The following DMD variants were observed in gnomAD, a reference collection of about 807,000 sequenced individuals.
The protein encoded by DMD is mutant dystrophin.
A neutral mutation model predicts 330.1 loss-of-function variants in DMD; 63 were observed. The ratio of observed to expected loss-of-function variants is 0.19; its 90% confidence interval spans 0.16 to 0.24. The LOEUF (loss-of-function observed/expected upper bound fraction) is 0.24, where lower values mean the gene tolerates loss of function less well. DMD is among the 10% of genes least tolerant of loss of function. DMD has a pLI of 1.00. For synonymous variants in DMD, 1,223 were observed against 959.8 expected (o/e 1.27, Z -5.07); for missense variants, 3,344 against 2,684.1 (o/e 1.25, Z -5.43).
At chrX:31,336,136 G>A (rs1447793476) in intron 61 of DMD, among the ~76,000 whole-genome samples, 1 of 112,717 alleles carries the variant, frequency 8.9e-6, no homozygotes, top group Admixed American at 9.4e-5. Context: ...CCCTAAGGAT[G>A]CAGAAAAGCA....
At chrX:31,312,058 T>C (rs760345215) in intron 62 of DMD, among the ~76,000 whole-genome samples, 2 of 112,171 alleles carry the variant, frequency 1.8e-5, no homozygotes, top group South Asian at 7.4e-4. Context: ...AAAGACTTCA[T>C]GACAAAAACG....
chrX:31,191,354 T>C (rs1022884538), intron 67 of DMD, among the ~76,000 whole-genome samples: 2 of 112,000 alleles, frequency 1.8e-5, no homozygotes, highest in African/African-American at 3.3e-5. Context: ...ATGGAAAACA[T>C]TGTGGGCAAA....
At chrX:33,014,105 G>A (rs1023326169) in intron 2 of DMD, among the ~76,000 whole-genome samples, 9 of 111,625 alleles carry the variant, frequency 8.1e-5, no homozygotes, top group Admixed American at 3.8e-4. Context: ...GTTAAGATTC[G>A]GGGACAGTGG....
chrX:31,792,211 C>A (rs2091603905), intron 50 of DMD, among the ~76,000 whole-genome samples: 1 of 111,738 alleles, frequency 8.9e-6, no homozygotes, highest in African/African-American at 3.3e-5. Flanking sequence ...ATATCATGGA[C>A]CTTTAGAAAG....
intron 62 of DMD, among the ~76,000 whole-genome samples, chrX:31,307,703 C>G (rs992489316): frequency 8.9e-6 from 1 of 111,823 alleles, no homozygotes; most frequent in Non-Finnish European, 1.9e-5. Context: ...GTAATGATAT[C>G]TAATATTTAA....
intron 2 of DMD, among the ~76,000 whole-genome samples, chrX:32,851,432 C>T (rs369182000): frequency 1.8e-5 from 2 of 112,275 alleles, no homozygotes; most frequent in East Asian, 5.6e-4. Context: ...AAAACCCTAA[C>T]ATGCTAGAAT....
At chrX:31,324,197 C>T (rs1326150504) in intron 61 of DMD, among the ~76,000 whole-genome samples, 1 of 111,036 alleles carries the variant, frequency 9.0e-6, no homozygotes, top group Non-Finnish European at 1.9e-5. Flanking sequence ...TAATTTGGTG[C>T]CTCAAAATGT....
intron 57 of DMD, among the ~76,000 whole-genome samples, chrX:31,494,905 C>T (rs1315422801): frequency 8.9e-6 from 1 of 111,751 alleles, no homozygotes. Context: ...GCATAAAATT[C>T]ATCTTTTGTA....
chrX:33,270,650 G>A (rs751315977), intron 1 of DMD, among the ~76,000 whole-genome samples: 12 of 111,810 alleles, frequency 1.1e-4, no homozygotes, highest in South Asian at 3.7e-4. Context: ...CGTTGCACAC[G>A]TCCTCAACTA....
At chrX:33,042,475 G>A (rs2094317890) in intron 1 of DMD, among the ~76,000 whole-genome samples, 1 of 112,079 alleles carries the variant, frequency 8.9e-6, no homozygotes, top group South Asian at 3.7e-4. Context: ...AGCCCTAGTT[G>A]TTCTTTTCCT....
intron 60 of DMD, among the ~76,000 whole-genome samples, chrX:31,443,846 G>C (rs1465021381): frequency 8.9e-6 from 1 of 111,760 alleles, no homozygotes; most frequent in Non-Finnish European, 1.9e-5. Flanking sequence ...CTTCCATCAT[G>C]ATTCAGCATT....
At chrX:32,735,570 A>C (rs1236172646) in intron 7 of DMD, among the ~76,000 whole-genome samples, 4 of 111,271 alleles carry the variant, frequency 3.6e-5, no homozygotes, top group East Asian at 2.8e-4. Flanking sequence ...AAACAGAGAT[A>C]TAGATCAATG....
At chrX:32,739,916 G>A (rs113302709) in intron 7 of DMD, among the ~76,000 whole-genome samples, 4 of 110,229 alleles carry the variant, frequency 3.6e-5, no homozygotes, top group African/African-American at 6.6e-5. Context: ...TTATTCTGAT[G>A]CATGTTCAAG....
intron 74 of DMD, among the ~76,000 whole-genome samples, chrX:31,149,071 C>A (rs2037078944): frequency 8.9e-6 from 1 of 112,173 alleles, no homozygotes; most frequent in South Asian, 3.7e-4. Context: ...TTTTCTTACA[C>A]CTACATTTTA....
rs148885031 is a variant in DMD at position 31,493,493 on chromosome X, A to C, written c.8547+3295T>G. Among the ~76,000 whole-genome samples, 312 of 111,858 alleles carry C rather than the reference A, an allele frequency of 2.8e-3. 1 individual carries two copies. The highest frequency in any genetic ancestry group is 9.6e-3 in the African/African-American group (295 of 30,792). On this transcript the variant is annotated intron_variant, in intron 57 of 78. Transcript: ENST00000357033. The stretch of plus-strand genomic sequence containing the variant: ...GTGGGTATAGGTAAAAGGGTTTGAG[A>C]CAGAGGACCAACATATTTAAAGCCC...
intron 45 of DMD, among the ~76,000 whole-genome samples, chrX:31,965,948 T>C (rs896871528): frequency 9.4e-4 from 105 of 111,762 alleles, no homozygotes; most frequent in Middle Eastern, 4.6e-3. Context: ...ATTTCTAATA[T>C]CTTAAAATTT....
intron 42 of DMD, among the ~76,000 whole-genome samples, chrX:32,303,829 T>C (rs1345796768): frequency 9.1e-6 from 1 of 110,496 alleles, no homozygotes; most frequent in African/African-American, 3.3e-5. Context: ...ATAAATCTAA[T>C]TCTTACACTC....
intron 60 of DMD, among the ~76,000 whole-genome samples, chrX:31,428,313 C>T (rs182712782): frequency 6.3e-5 from 7 of 110,409 alleles, no homozygotes; most frequent in African/African-American, 2.0e-4. Flanking sequence ...CACCTCCCAC[C>T]CCCTCACTCC....
chrX:32,767,947 T>C (rs1396643134), intron 7 of DMD, among the ~76,000 whole-genome samples: 1 of 111,491 alleles, frequency 9.0e-6, no homozygotes, highest in Non-Finnish European at 1.9e-5. Context: ...CATAAAGGCT[T>C]AACTATTGAT....
Sources: gnomAD v4.1 joint callset for allele counts (sites outside exome capture counted in the v4.1 genomes callset) on GRCh38, gnomAD v4.1.1 for gene constraint, MANE v1.5 for transcripts, NCBI Gene and HGNC (gene_info 2026-07-23, HGNC 2026-07-21) for gene names.